The following PIGB variants were observed in gnomAD, a reference collection of about 807,000 sequenced individuals.
PIGB encodes phosphatidylinositol glycan anchor biosynthesis class B.
PIGB carries 58 observed loss-of-function variants against 68.4 expected under a neutral mutation model. The observed-to-expected ratio is 0.85, with a 90% CI of 0.69 to 1.06. PIGB has a LOEUF of 1.06. Among genes scored for constraint, PIGB ranks in the 50% least tolerant of loss-of-function variants. PIGB has a pLI of 0.00. For synonymous variants in PIGB, 219 were observed against 220.5 expected (o/e 0.99, Z 0.06); for missense variants, 634 against 655.8 (o/e 0.97, Z 0.36).
intron 9 of PIGB, among the ~76,000 whole-genome samples, chr15:55,344,541 A>G (rs2055746050): frequency 2.0e-5 from 3 of 152,270 alleles, no homozygotes; most frequent in African/African-American, 2.4e-5. Flanking sequence ...GATGGGACAC[A>G]GGAAGAAAAA....
intron 3 of PIGB, among the ~76,000 whole-genome samples, chr15:55,325,457 C>CT (rs201484645): frequency 1.5e-3 from 221 of 151,342 alleles, no homozygotes; most frequent in African/African-American, 4.6e-3. Flanking sequence ...ACTATGACAC[C>CT]TTTTTTTTTA....
rs1183575056 is a variant in PIGB, at chr15:55,340,632, T to C, written c.867T>C (p.Asn289=). 4.3e-6 allele frequency: 7 copies of C among 1,611,064 alleles called. No homozygotes were observed. The East Asian group carries it at 1.3e-4, about 31-fold the overall frequency. ...FFGQWTLVQF[N]FLKFNVLQNW... ...GCCAGTGGACTCTGGTTCAATTTAA[T>C]TTTTTGAAATTTAACGTGCTGCAGA... Residue 289 remains asparagine, a synonymous_variant, in exon 8 of 12, where the codon AAT becomes AAC. Coordinates refer to ENST00000164305, the MANE Select transcript of PIGB (RefSeq NM_004855.5).
At chr15:55,335,426 AG>A (rs2055512451) in intron 6 of PIGB, among the ~76,000 whole-genome samples, 1 of 152,226 alleles carries the variant, frequency 6.6e-6, no homozygotes, top group South Asian at 2.1e-4. Flanking sequence ...ACTATGTGCC[AG>A]GCAGTGTTCC....
chr15:55,319,227 G>A lies in PIGB; in HGVS notation c.-24G>A. ...CAGCGCGCTACTGCAGCTTTCTTCC[G>A]CCTTAGGAAGGTGGCGGCCAGGGAT... On this transcript the variant is annotated 5_prime_UTR_variant, in exon 1 of 12. Coordinates refer to ENST00000164305, the MANE Select transcript of PIGB (RefSeq NM_004855.5). 1 of 1,592,650 alleles carries A rather than the reference G, an allele frequency of 6.3e-7. No individual in the cohort carries two copies. Among genetic ancestry groups the A allele is most frequent in the Non-Finnish European group, 8.5e-7 (1 of 1,169,728 alleles).
At chr15:55,329,906 T>A in intron 5 of PIGB, 52 bp downstream of exon 5, 1 of 1,350,356 alleles carries the variant, frequency 7.4e-7, no homozygotes, top group South Asian at 1.3e-5. Context: ...TTTTGAAAAA[T>A]CTTAAATATC....
At chr15:55,325,971 C>T (rs1018288078) in intron 3 of PIGB, among the ~76,000 whole-genome samples, 6 of 152,024 alleles carry the variant, frequency 3.9e-5, no homozygotes, top group South Asian at 2.1e-4. Flanking sequence ...CCGAGGCAGG[C>T]GGATTGCCTG....
rs2055321357 is a variant in PIGB at position 55,327,557 on chromosome 15, A to C, written c.444A>C (p.Ala148=). The part of the protein sequence containing the change: ...LLIWIPRLAQ[A]LLSAVADVRL... Reference sequence around the variant, plus strand: ...TTTGGATTCCTAGACTTGCCCAAGCACTTCTGTCTGCTGTAGCAGATGTGA... The same window carrying C: ...TTTGGATTCCTAGACTTGCCCAAGCCCTTCTGTCTGCTGTAGCAGATGTGA... Residue 148 remains alanine, a synonymous_variant, in exon 4 of 12, where the codon GCA becomes GCC. Transcript: ENST00000164305. The C allele has an allele frequency of 1.2e-6, 2 of 1,610,778 alleles. No homozygotes were observed. The highest frequency in any genetic ancestry group is 3.4e-5 in the Admixed American group (2 of 59,340).
intron 9 of PIGB, among the ~76,000 whole-genome samples, chr15:55,343,883 T>G (rs916579717): frequency 6.6e-6 from 1 of 152,146 alleles, no homozygotes; most frequent in Non-Finnish European, 1.5e-5. Context: ...TCAGGGCTGT[T>G]TAATGCCAAG....
chr15:55,349,094 G>A (rs59652532), intron 9 of PIGB, among the ~76,000 whole-genome samples: 4 of 151,610 alleles, frequency 2.6e-5, no homozygotes, highest in Non-Finnish European at 4.4e-5. Flanking sequence ...TGTTGGCCAG[G>A]CTGGTCTTGA....
chr15:55,353,998 T>TAAAAATAAAAAAAAAAA (rs112479438), intron 10 of PIGB, among the ~76,000 whole-genome samples: 9 of 112,034 alleles, frequency 8.0e-5, no homozygotes, highest in African/African-American at 3.8e-4. Context: ...TCATCTTAAA[T>TAAAAATAAAAAAAAAAA]AAAAAAAAAA....
Position 55,329,729 on chromosome 15 carries a change from T to C in PIGB, c.528T>C (p.Phe176=). ...ENQEVARWVF[F]CQLCSWFTWY... ...TGCTCTGTACTTTTTCTTAGTTTTT[T>C]TGCCAGTTGTGCTCCTGGTTCACAT... The change falls in exon 5 of 12, where the codon TTT becomes TTC. Residue 176 remains phenylalanine (F), a synonymous_variant. Transcript: ENST00000164305. The C allele has an allele frequency of 6.2e-7, 1 of 1,607,796 alleles. No individual in the cohort carries two copies. The highest frequency in any genetic ancestry group is 2.2e-5 in the East Asian group (1 of 44,810).
intron 6 of PIGB, among the ~76,000 whole-genome samples, chr15:55,338,746 T>G (rs1258747834): frequency 6.6e-6 from 1 of 152,178 alleles, no homozygotes; most frequent in Non-Finnish European, 1.5e-5. Context: ...TTAAGCCAGT[T>G]AATTATGTCA....
At chr15:55,329,676 G>C in intron 4 of PIGB, 48 bp from the exon 5 acceptor site, 1 of 1,503,630 alleles carries the variant, frequency 6.7e-7, no homozygotes, top group East Asian at 2.3e-5. Flanking sequence ...ATGTACTAAG[G>C]TTTTCCATTT....
At position 55,320,480 on chromosome 15, in the gene PIGB, T is replaced by C. The variant is rs1023205126; in HGVS notation, c.299+70T>C. On this transcript the variant is annotated intron_variant, in intron 2 of 11. Coordinates refer to ENST00000164305, the MANE Select transcript of PIGB (RefSeq NM_004855.5). ...CTTGGAAATTGTGCTCAGTTTCTTT[T>C]AGAGTAGTCCCCCTTGCTCCCTCGT... is the stretch of plus-strand genomic sequence containing the variant. 1.4e-5 allele frequency: 21 copies of C among 1,455,026 alleles called. No individual in the cohort carries two copies. The African/African-American group carries it at 2.8e-4, about 20-fold the overall frequency. 90.1% of individuals were successfully genotyped at this position (1,455,026 alleles called of 1,614,324 possible). A position where few individuals can be genotyped will look rare whatever the true frequency, so the allele number is the denominator to read the frequency against.
At chr15:55,324,874 C>CA in intron 3 of PIGB, 5 of 880,402 alleles carry the variant, frequency 5.7e-6, no homozygotes, top group Non-Finnish European at 6.8e-6. Context: ...TTACAGGGCA[C>CA]AGTTTATGTG....
Position 55,353,089 on chromosome 15 carries a change from G to C in PIGB, c.1338-1709G>C, listed in dbSNP as rs57296827. 3.2e-3 allele frequency among the ~76,000 whole-genome samples: 493 copies of C among 152,286 alleles called. 1 individual carries two copies. Among genetic ancestry groups the C allele is most frequent in the African/African-American group, 0.011 (465 of 41,566 alleles). On this transcript the variant is annotated intron_variant, in intron 10 of 11. Transcript: ENST00000164305. ...CTCACATTAGGGATAATACTGAGGA[G>C]AACAGGAATCCTAGATGTACCAAGA...
intron 10 of PIGB, among the ~76,000 whole-genome samples, chr15:55,353,323 A>G (rs2141224607): frequency 6.6e-6 from 1 of 152,328 alleles, no homozygotes; most frequent in African/African-American, 2.4e-5. Context: ...GTAGGCCGGC[A>G]GCTTTTTCTG....
rs1308774056 is a variant in PIGB at position 55,323,533 on chromosome 15, G to A, written c.417+2143G>A. Among the ~76,000 whole-genome samples, 3 of 152,182 alleles carry A rather than the reference G, an allele frequency of 2.0e-5. No homozygotes were observed. In the East Asian group the frequency reaches 5.8e-4, roughly 29 times the overall value. ...TGGTAGCCACTAGCTACATGTAGCT[G>A]TTGAAGACTTCAAATGTGGCTAGTC... On this transcript the variant is annotated intron_variant, in intron 3 of 11. Coordinates refer to ENST00000164305, the MANE Select transcript of PIGB (RefSeq NM_004855.5).
At chr15:55,327,460 G>T in intron 3 of PIGB, 71 bp from the exon 4 acceptor site, 1 of 986,572 alleles carries the variant, frequency 1.0e-6, no homozygotes, top group South Asian at 1.5e-5. Flanking sequence ...TCAGCTTGTT[G>T]ACTTTTATCA....
Sources: gnomAD v4.1 joint callset for allele counts (sites outside exome capture counted in the v4.1 genomes callset) on GRCh38, gnomAD v4.1.1 for gene constraint, MANE v1.5 for transcripts, NCBI Gene and HGNC (gene_info 2026-07-23, HGNC 2026-07-21) for gene names.